The following TENM2 variants were observed in gnomAD, a reference collection of about 807,000 sequenced individuals.
TENM2 encodes teneurin transmembrane protein 2.
TENM2 carries 52 observed loss-of-function variants against 245.2 expected under a neutral mutation model. The observed-to-expected ratio is 0.21, with a 90% CI of 0.17 to 0.27. TENM2 has a LOEUF of 0.27. TENM2 is among the 10% of genes least tolerant of loss of function. The probability of loss-of-function intolerance (pLI) is 1.00; values close to 1 mark genes in which losing one functional copy is unlikely to be tolerated. For missense variants in TENM2, 3,046 were observed against 3,666.8 expected, an observed-to-expected ratio of 0.83 and a Z score of 4.37; for synonymous variants, 1,363 against 1,438.9, an observed-to-expected ratio of 0.95 and a Z score of 1.19.
intron 2 of TENM2, among the ~76,000 whole-genome samples, chr5:167,423,582 T>A (rs1484596038): frequency 6.6e-6 from 1 of 152,190 alleles, no homozygotes; most frequent in Non-Finnish European, 1.5e-5. Context: ...CTTGATACGT[T>A]ATAAAGTAAA....
chr5:167,405,755 A>AACACACACAAAC (rs1391915696), intron 2 of TENM2, among the ~76,000 whole-genome samples: 13 of 91,558 alleles, frequency 1.4e-4, no homozygotes, highest in African/African-American at 3.8e-4. Context: ...GTGCAATTCA[A>AACACACACAAAC]ACACACACAC....
chr5:168,054,099 C>T (rs527814490), intron 6 of TENM2, among the ~76,000 whole-genome samples: 12 of 152,268 alleles, frequency 7.9e-5, no homozygotes, highest in South Asian at 2.1e-4. Flanking sequence ...ACGTTCCTAG[C>T]GGCAAAGAGT....
At chr5:167,464,935 G>T (rs1203151051) in intron 2 of TENM2, among the ~76,000 whole-genome samples, 1 of 152,194 alleles carries the variant, frequency 6.6e-6, no homozygotes, top group Non-Finnish European at 1.5e-5. Context: ...TGCATAGTAT[G>T]TACAGTTAAA....
chr5:168,191,494 G>A (rs577755514), intron 14 of TENM2, among the ~76,000 whole-genome samples: 5 of 152,142 alleles, frequency 3.3e-5, no homozygotes, highest in Middle Eastern at 3.4e-3. Context: ...GGGATGCCCC[G>A]CCCCATCTCT....
At chr5:167,465,581 G>A (rs1963409) in intron 2 of TENM2, among the ~76,000 whole-genome samples, 63,405 of 152,124 alleles carry the variant, frequency 0.42, 13,730 homozygotes, top group Middle Eastern at 0.52. Flanking sequence ...TGTAATCCCA[G>A]CGCTTTGGGA....
intron 2 of TENM2, among the ~76,000 whole-genome samples, chr5:167,433,846 A>G (rs922279087): frequency 6.6e-6 from 1 of 152,068 alleles, no homozygotes; most frequent in Non-Finnish European, 1.5e-5. Context: ...CTAATCTTTA[A>G]ATTGATATAT....
chr5:167,326,105 T>TACA, intron 1 of TENM2, among the ~76,000 whole-genome samples: 1 of 152,212 alleles, frequency 6.6e-6, no homozygotes, highest in African/African-American at 2.4e-5. Flanking sequence ...GTGGTCAGGG[T>TACA]ACAGGCTTGA....
rs187749165 is a variant in TENM2, at chr5:167,591,619, C to T, written c.502+216146C>T. The stretch of plus-strand genomic sequence containing the variant: ...AGTTGAAGTAGGCGGCAGTATTATA[C>T]AATTATCATACATAGTAGCTCTATA... On this transcript the variant is annotated intron_variant, in intron 2 of 28. Transcript: ENST00000518659. Among the ~76,000 whole-genome samples, 77 of 152,286 alleles carry T rather than the reference C, an allele frequency of 5.1e-4. 2 individuals carry two copies. Among genetic ancestry groups the T allele is most frequent in the Admixed American group, 3.9e-3 (60 of 15,298 alleles).
chr5:167,849,266 C>G (rs1322288149), intron 2 of TENM2, among the ~76,000 whole-genome samples: 2 of 152,132 alleles, frequency 1.3e-5, no homozygotes, highest in African/African-American at 2.4e-5. Context: ...CTCCTTATCT[C>G]AAGATCTTTA....
intron 2 of TENM2, among the ~76,000 whole-genome samples, chr5:167,798,371 A>G (rs887735164): frequency 6.6e-6 from 1 of 152,072 alleles, no homozygotes; most frequent in African/African-American, 2.4e-5. Flanking sequence ...CCTATTCACC[A>G]CTCCAATCAG....
At chr5:167,462,997 A>G (rs1346820633) in intron 2 of TENM2, among the ~76,000 whole-genome samples, 1 of 152,118 alleles carries the variant, frequency 6.6e-6, no homozygotes, top group Admixed American at 6.5e-5. Flanking sequence ...CATAACAGTT[A>G]CTAGTTGTAA....
chr5:167,569,568 C>A (rs768098192), intron 2 of TENM2, among the ~76,000 whole-genome samples: 1 of 152,054 alleles, frequency 6.6e-6, no homozygotes, highest in Non-Finnish European at 1.5e-5. Context: ...TGTGTGATGT[C>A]GGGTAAGTTA....
intron 19 of TENM2, 21 bp downstream of exon 21, chr5:168,204,642 C>T (rs756101412): frequency 6.2e-7 from 1 of 1,610,564 alleles, no homozygotes; most frequent in Admixed American, 1.7e-5. Flanking sequence ...TCACAGGCAA[C>T]CTTCTTTTGC....
intron 2 of TENM2, among the ~76,000 whole-genome samples, chr5:167,431,937 A>ATG (rs1561950186): frequency 1.2e-5 from 1 of 83,368 alleles, no homozygotes; most frequent in Non-Finnish European, 2.5e-5. Flanking sequence ...ACATATATAT[A>ATG]TACATATATA....
At chr5:167,041,804 T>G in the TENM2 span, among the ~76,000 whole-genome samples, 1 of 152,066 alleles carries the variant, frequency 6.6e-6, no homozygotes, top group Non-Finnish European at 1.5e-5. Flanking sequence ...ACCTCCCCCC[T>G]CCAAAAGGGC....
the TENM2 span, among the ~76,000 whole-genome samples, chr5:166,993,697 C>T: frequency 6.6e-6 from 1 of 152,132 alleles, no homozygotes; most frequent in Non-Finnish European, 1.5e-5. Flanking sequence ...GTGAACTTTC[C>T]ATGAAACTAG....
chr5:167,635,877 C>G (rs1582610549), intron 2 of TENM2, among the ~76,000 whole-genome samples: 1 of 151,856 alleles, frequency 6.6e-6, no homozygotes, highest in East Asian at 1.9e-4. Flanking sequence ...ATCTCCTGAC[C>G]TCGTGATCCA....
At chr5:167,377,458 G>A (rs1309416537) in intron 2 of TENM2, among the ~76,000 whole-genome samples, 1 of 152,146 alleles carries the variant, frequency 6.6e-6, no homozygotes, top group Non-Finnish European at 1.5e-5. Flanking sequence ...TTCAAACTAG[G>A]TGAGAGATGC....
At chr5:167,596,921 G>C (rs1305261799) in intron 2 of TENM2, among the ~76,000 whole-genome samples, 19 of 152,112 alleles carry the variant, frequency 1.2e-4, no homozygotes, top group Admixed American at 1.1e-3. Flanking sequence ...ACCTTCGGGG[G>C]ACACAAAACG....
Sources: gnomAD v4.1 joint callset for allele counts (sites outside exome capture counted in the v4.1 genomes callset) on GRCh38, gnomAD v4.1.1 for gene constraint, MANE v1.5 for transcripts, NCBI Gene and HGNC (gene_info 2026-07-23, HGNC 2026-07-21) for gene names.